The following PIDD1 variants were observed in gnomAD, a reference collection of about 807,000 sequenced individuals.
PIDD1 encodes p53-induced death domain protein 1.
PIDD1 carries 72 observed loss-of-function variants against 80.0 expected under a neutral mutation model. The ratio of observed to expected loss-of-function variants is 0.90; its 90% CI spans 0.74 to 1.09. PIDD1 has a LOEUF of 1.09. Ranked by LOEUF, PIDD1 falls within the 50% of genes least tolerant of loss-of-function variation. The pLI is 0.00. For synonymous variants in PIDD1, 655 were observed against 543.5 expected (o/e 1.21, Z -2.85); for missense variants, 1,329 against 1,228.3 (o/e 1.08, Z -1.23).
At chr11:809,119 C>T (rs1338233201), upstream of PIDD1, among the ~76,000 whole-genome samples, 1 of 151,674 alleles carries the variant, frequency 6.6e-6, no homozygotes, top group Non-Finnish European at 1.5e-5. Context: ...AACTCAAGTC[C>T]TTAGGAGGCA....
Position 801,598 on chromosome 11 carries a change from G to C in PIDD1, c.1329C>G (p.Pro443=). 1 of 1,564,130 alleles carries C rather than the reference G, an allele frequency of 6.4e-7. No individual in the cohort carries two copies. The highest frequency in any genetic ancestry group is 2.4e-5 in the East Asian group (1 of 42,190). ...AAACCACAAGGAACCAGGAGAAGTG[G>C]GGCACCTGGCAGTGAGCCCAGAGCC... ...PQRLWAHCQV[P]HFSWFLVVSR... The change falls in exon 8 of 16, where the codon CCC becomes CCG. Residue 443 remains proline (P), a synonymous_variant. Coordinates refer to ENST00000347755, the MANE Select transcript of PIDD1 (RefSeq NM_145886.4).
At chr11:804,497 G>A in intron 1 of PIDD1, 34 bp from the exon 2 acceptor site, 1 of 1,453,516 alleles carries the variant, frequency 6.9e-7, no homozygotes, top group Non-Finnish European at 9.0e-7. Context: ...AGCGGGAGCC[G>A]GGGTGGGCCC....
At chr11:807,010 G>A (rs577071290), upstream of PIDD1, among the ~76,000 whole-genome samples, 1 of 152,316 alleles carries the variant, frequency 6.6e-6, no homozygotes, top group East Asian at 1.9e-4. Flanking sequence ...TGGCCAATAT[G>A]GTGAAACCGT....
At chr11:804,592 A>T (rs1163909183) in intron 1 of PIDD1, 129 bp from the exon 2 acceptor site, 1 of 941,976 alleles carries the variant, frequency 1.1e-6, no homozygotes, top group Non-Finnish European at 1.5e-6. Flanking sequence ...AGTGGGGGAG[A>T]CCTTGTGGTC....
At chr11:808,256 G>A (rs533266915), upstream of PIDD1, among the ~76,000 whole-genome samples, 25 of 151,956 alleles carry the variant, frequency 1.6e-4, no homozygotes, top group Admixed American at 1.4e-3. Context: ...GTGAAACCCC[G>A]TCTGTACTAA....
chr11:808,890 T>C (rs1865917256), upstream of PIDD1, among the ~76,000 whole-genome samples: 1 of 152,182 alleles, frequency 6.6e-6, no homozygotes, highest in African/African-American at 2.4e-5. Flanking sequence ...ACCCCAGGGT[T>C]TGCACTGCTG....
chr11:802,643 G>A (rs373933740), intron 4 of PIDD1, 39 bp downstream of exon 4: 5 of 1,607,412 alleles, frequency 3.1e-6, no homozygotes, highest in African/African-American at 1.3e-5. Context: ...GGAGACTCAT[G>A]TCCTATCCCA....
At chr11:808,994 TG>T (rs1565076092), upstream of PIDD1, among the ~76,000 whole-genome samples, 2 of 152,200 alleles carry the variant, frequency 1.3e-5, no homozygotes, top group African/African-American at 4.8e-5. Context: ...TTGGCAGGGA[TG>T]GCTCCTTCTC....
upstream of PIDD1, chr11:806,120 CAG>C (rs1315158621): frequency 6.8e-6 from 1 of 146,738 alleles, no homozygotes; most frequent in African/African-American, 2.6e-5. Context: ...AAAAAAAAAT[CAG>C]ATATTGCCCG....
intron 6 of PIDD1, 21 bp downstream of exon 6, chr11:802,174 C>G: frequency 6.3e-7 from 1 of 1,579,798 alleles, no homozygotes; most frequent in Non-Finnish European, 8.6e-7. Context: ...ACACACTGCC[C>G]CCGCCACGCC....
At chr11:799,723 C>A in intron 15 of PIDD1, 92 bp downstream of exon 15, 5 of 1,379,734 alleles carry the variant, frequency 3.6e-6, no homozygotes, top group Non-Finnish European at 4.8e-6. Flanking sequence ...CCCACCTCCC[C>A]TGGAAGAAAC....
Position 804,279 on chromosome 11 carries a change from C to T in PIDD1, c.110G>A (p.Arg37Gln), listed in dbSNP as rs751402462. 3.1e-6 allele frequency: 5 copies of T among 1,612,848 alleles called. No homozygotes were observed. Among genetic ancestry groups the T allele is most frequent in the Non-Finnish European group, 4.2e-6 (5 of 1,179,990 alleles). ...SRALPFLGGNRLSLDLYPGGC... is the reference protein window; with the variant it reads ...SRALPFLGGNQLSLDLYPGGC... ...CCCGGGGTACAGGTCCAAGCTCAGC[C>T]GGTTGCCGCCCAGGAAAGGCAGCGC... The change falls in exon 2 of 16, where the codon CGG (arginine) becomes CAG (glutamine). Residue 37 changes from arginine (R) to glutamine (Q), a missense_variant. Physicochemically the swap from Arg to Gln is conservative, Grantham distance 43. Coordinates refer to ENST00000347755, the MANE Select transcript of PIDD1 (RefSeq NM_145886.4).
chr11:805,048 G>T, intron 1 of PIDD1, 131 bp downstream of exon 1: 1 of 223,166 alleles, frequency 4.5e-6, no homozygotes, highest in Non-Finnish European at 7.5e-6. Flanking sequence ...CGCTCAGACG[G>T]CGTGGGGGGC....
chr11:801,278 CG>C lies in PIDD1; in HGVS notation c.1569del (p.Ser523ArgfsTer94). The C allele has an allele frequency of 6.3e-7, 1 of 1,584,124 alleles. No homozygotes were observed. The highest frequency in any genetic ancestry group is 8.6e-7 in the Non-Finnish European group (1 of 1,165,186). On this transcript the variant is annotated frameshift_variant, in exon 9 of 16. Coordinates refer to ENST00000347755, the MANE Select transcript of PIDD1 (RefSeq NM_145886.4). LOFTEE classifies it high-confidence loss of function. ...AVSPLLCLSQ[S>X]GPPSFLQPVT... ...ACCGGTTGGAGGAAGCTGGGGGGAC[CG>C]CTCTGTGACAGGCACAGCAGGGGGC...
Position 803,832 on chromosome 11 carries a change from T to C in PIDD1, c.296-245A>G. ...CCCACAACCTTCCCCAGGAACAACA[T>C]CTGCACTGTGGTCTGGAGAGACCCC... On this transcript the variant is annotated intron_variant, in intron 2 of 15. Transcript: ENST00000347755. 5 of 628,752 alleles carry C rather than the reference T, an allele frequency of 8.0e-6. No individual in the cohort carries two copies. In the South Asian group the frequency reaches 9.8e-5, roughly 12 times the overall value. The allele number at this position is 628,752 out of a possible 1,614,324, so 38.9% of individuals were successfully genotyped here.
chr11:802,722 G>C lies in PIDD1; in HGVS notation c.879C>G (p.Asn293Lys), dbSNP rs143306083. The C allele has an allele frequency of 3.7e-6, 6 of 1,611,842 alleles. No individual in the cohort carries two copies. In the African/African-American group the frequency reaches 5.3e-5, roughly 14 times the overall value. ...CGTCTGGCGAGGCCTCACCCAGGGGGTTCCCCTGCAGGCGCACAAAGGGGG... is the reference window on the plus strand; with the variant it reads ...CGTCTGGCGAGGCCTCACCCAGGGGCTTCCCCTGCAGGCGCACAAAGGGGG... Reference protein sequence around the residue: ...LDAPFVRLQGNPLGEASPDAP... With the variant: ...LDAPFVRLQGKPLGEASPDAP... Residue 293 changes from asparagine to lysine, a missense_variant, in exon 4 of 16, where the codon AAC (asparagine) becomes AAG (lysine). By Grantham distance (94) the Asn-to-Lys change is moderately conservative (BLOSUM62 0). Coordinates refer to ENST00000347755, the MANE Select transcript of PIDD1 (RefSeq NM_145886.4).
At position 799,812 on chromosome 11, in the gene PIDD1, C is replaced by T. The variant is rs759661857; in HGVS notation, c.2474+3G>A. 1 of 1,564,070 alleles carries T rather than the reference C, an allele frequency of 6.4e-7. No homozygotes were observed. Among genetic ancestry groups the T allele is most frequent in the African/African-American group, 1.3e-5 (1 of 74,322 alleles). On this transcript the variant is annotated splice_donor_region_variant and intron_variant, in intron 15 of 15. Coordinates refer to ENST00000347755, the MANE Select transcript of PIDD1 (RefSeq NM_145886.4). Reference sequence around the variant, plus strand: ...GGCAGCCAGCGGGCAGTGGGAGCCTCACCGGAACTCGTGCCGGATGCGCTG... The same window carrying T: ...GGCAGCCAGCGGGCAGTGGGAGCCTTACCGGAACTCGTGCCGGATGCGCTG...
rs1865263930 is a variant in PIDD1, at chr11:801,049, T to C, written c.1702A>G (p.Thr568Ala). The C allele has an allele frequency of 6.2e-7, 1 of 1,600,826 alleles. No homozygotes were observed. The highest frequency in any genetic ancestry group is 8.5e-7 in the Non-Finnish European group (1 of 1,173,996). Residue 568 changes from threonine (T) to alanine (A), a missense_variant, in exon 10 of 16, where the codon ACA (threonine) becomes GCA (alanine). Thr to Ala is a moderately conservative substitution (Grantham distance 58). Coordinates refer to ENST00000347755, the MANE Select transcript of PIDD1 (RefSeq NM_145886.4). ...GTGAGCTCCAGGACCACCTGAGCTG[T>C]GATGTCATCCCAGGTGGCTGCAGGA... ...APPAATWDDITAQVVLELTHL... is the reference protein window; with the variant it reads ...APPAATWDDIAAQVVLELTHL...
intron 15 of PIDD1, 117 bp downstream of exon 15, chr11:799,698 G>T: frequency 7.3e-7 from 1 of 1,376,884 alleles, no homozygotes; most frequent in Non-Finnish European, 9.6e-7. Flanking sequence ...TTTCCAGCCT[G>T]GTGTTTGCCC....
Sources: gnomAD v4.1 joint callset for allele counts (sites outside exome capture counted in the v4.1 genomes callset) on GRCh38, gnomAD v4.1.1 for gene constraint, MANE v1.5 for transcripts, NCBI Gene and HGNC (gene_info 2026-07-23, HGNC 2026-07-21) for gene names.